The following RAD54B variants were observed in gnomAD, a reference collection of about 807,000 sequenced individuals.
The protein encoded by RAD54B is RAD54 homolog B.
RAD54B carries 78 observed loss-of-function variants against 95.8 expected under a neutral mutation model. The ratio of observed to expected loss-of-function variants is 0.81; its 90% CI spans 0.68 to 0.98. RAD54B has a LOEUF of 0.98. Among genes scored for constraint, RAD54B ranks in the 50% least tolerant of loss-of-function variants. The pLI is 0.00. For missense variants in RAD54B, 957 were observed against 1,056.6 expected (o/e 0.91, Z 1.31); for synonymous variants, 328 against 354.9 (o/e 0.92, Z 0.85).
intron 2 of RAD54B, among the ~76,000 whole-genome samples, chr8:94,459,775 G>A (rs1254560883): frequency 1.3e-5 from 2 of 151,762 alleles, no homozygotes; most frequent in South Asian, 2.1e-4. Flanking sequence ...CAGGAGAATC[G>A]CTTGAACTCA....
At position 94,378,606 on chromosome 8, in the gene RAD54B, T is replaced by C; in HGVS notation, c.2276A>G (p.Gln759Arg). ...TCTGTAAATATGTACAGGATATTTC[T>C]GACCATCTCTCCATACTCTAGACAT... ...QAMSRVWRDG[Q>R]KYPVHIYRLL... Residue 759 changes from glutamine (Q) to arginine (R), a missense_variant, in exon 13 of 15, where the codon CAG becomes CGG. Coordinates refer to ENST00000336148, the MANE Select transcript of RAD54B (RefSeq NM_012415.3). The C allele has an allele frequency of 6.2e-7, 1 of 1,610,404 alleles. No individual in the cohort carries two copies. The highest frequency in any genetic ancestry group is 1.1e-5 in the South Asian group (1 of 90,388).
rs184172604 is a variant in RAD54B, at chr8:94,383,995, C to T, written c.1985+2989G>A. ...CTTCAAAATATTAAAAATAGAATTACCATATGATGCAACAATTCCACTTCT... is the reference window on the plus strand; with the variant it reads ...CTTCAAAATATTAAAAATAGAATTATCATATGATGCAACAATTCCACTTCT... On this transcript the variant is annotated intron_variant, in intron 11 of 14. Transcript: ENST00000336148. 2.8e-3 allele frequency among the ~76,000 whole-genome samples: 421 copies of T among 152,190 alleles called. 1 individual carries two copies. Among genetic ancestry groups the T allele is most frequent in the Middle Eastern group, 6.8e-3 (2 of 294 alleles).
chr8:94,415,306 C>T (rs1286452381), intron 3 of RAD54B, among the ~76,000 whole-genome samples: 2 of 141,250 alleles, frequency 1.4e-5, no homozygotes, highest in Admixed American at 1.5e-4. Context: ...GGAAAACTGG[C>T]TAGCCATATG....
chr8:94,459,465 T>C (rs1035153808), intron 2 of RAD54B, among the ~76,000 whole-genome samples: 30 of 152,222 alleles, frequency 2.0e-4, no homozygotes, highest in African/African-American at 7.0e-4. Flanking sequence ...AAAGCTCTTA[T>C]ATTTTAGGGA....
chr8:94,372,450 T>G, intron 14 of RAD54B, 63 bp from the exon 15 acceptor site: 2 of 1,568,120 alleles, frequency 1.3e-6, no homozygotes, highest in Non-Finnish European at 1.7e-6. Context: ...AATACAATAC[T>G]TTTTTGTTTT....
intron 2 of RAD54B, among the ~76,000 whole-genome samples, chr8:94,461,114 AACTC>A (rs1462594390): frequency 2.0e-5 from 3 of 151,562 alleles, no homozygotes; most frequent in African/African-American, 4.9e-5. Flanking sequence ...TTTAAATAGA[AACTC>A]ACAATAATAG....
rs1022832802 is a variant in RAD54B, at chr8:94,436,840, A to G, written c.304+21428T>C. ...CAAATCAAGCTTTTCGGATAAGGTA[A>G]AATTGGAAGATCTAGCCTTTCCTAC... On this transcript the variant is annotated intron_variant, in intron 3 of 14. Coordinates refer to ENST00000336148, the MANE Select transcript of RAD54B (RefSeq NM_012415.3). 12 of 1,540,638 alleles carry G rather than the reference A, an allele frequency of 7.8e-6. No individual in the cohort carries two copies. In the Admixed American group the frequency reaches 2.2e-4, roughly 29 times the overall value.
At chr8:94,456,206 C>G (rs374615609) in intron 3 of RAD54B, among the ~76,000 whole-genome samples, 2 of 152,286 alleles carry the variant, frequency 1.3e-5, no homozygotes, top group African/African-American at 4.8e-5. Context: ...CATCTTCATT[C>G]TCACACAAAG....
In RAD54B at chr8:94,458,427, TTGCAAC is replaced by T; in HGVS notation, c.139_144del (p.Val47_Ala48del). The T allele has an allele frequency of 6.3e-7, 1 of 1,583,942 alleles. No individual in the cohort carries two copies. The highest frequency in any genetic ancestry group is 8.6e-7 in the Non-Finnish European group (1 of 1,169,040). ...TGTGACGGGAGAAAGGTGTTATTAATTGCAACACCCTAAAAGAAACAAATATATATT... is the reference window on the plus strand; with the variant it reads ...TGTGACGGGAGAAAGGTGTTATTAATACCCTAAAAGAAACAAATATATATT... On this transcript the variant is annotated inframe_deletion, in exon 3 of 15. Transcript: ENST00000336148.
intron 2 of RAD54B, among the ~76,000 whole-genome samples, chr8:94,463,459 C>T (rs1478037038): frequency 6.6e-6 from 1 of 152,002 alleles, no homozygotes; most frequent in African/African-American, 2.4e-5. Flanking sequence ...TTAAAACCTT[C>T]ATACATTGAT....
chr8:94,373,976 G>T (rs1229824908), intron 14 of RAD54B, among the ~76,000 whole-genome samples: 1 of 152,082 alleles, frequency 6.6e-6, no homozygotes, highest in Non-Finnish European at 1.5e-5. Context: ...AATCATTGAG[G>T]TTTTAAGAAA....
chr8:94,445,401 G>A (rs926328076), intron 3 of RAD54B, among the ~76,000 whole-genome samples: 4 of 152,038 alleles, frequency 2.6e-5, no homozygotes, highest in African/African-American at 4.8e-5. Flanking sequence ...CTTTCCTGAC[G>A]CTACTTGAGC....
At chr8:94,437,430 G>A (rs2130125048) in intron 3 of RAD54B, among the ~76,000 whole-genome samples, 1 of 152,236 alleles carries the variant, frequency 6.6e-6, no homozygotes, top group South Asian at 2.1e-4. Flanking sequence ...TCTGCATAAT[G>A]CTGGATCTGC....
At chr8:94,467,759 G>A (rs1028004623) in intron 1 of RAD54B, among the ~76,000 whole-genome samples, 3 of 152,170 alleles carry the variant, frequency 2.0e-5, no homozygotes, top group Admixed American at 6.5e-5. Flanking sequence ...AAAAGTACAT[G>A]AGCAATATGA....
intron 1 of RAD54B, among the ~76,000 whole-genome samples, chr8:94,470,975 A>G (rs1240087715): frequency 1.3e-5 from 2 of 152,132 alleles, no homozygotes; most frequent in Non-Finnish European, 2.9e-5. Flanking sequence ...TTTCCCTTAT[A>G]TAATGTTGGG....
At chr8:94,397,173 T>A (rs965859999) in intron 8 of RAD54B, among the ~76,000 whole-genome samples, 1 of 152,232 alleles carries the variant, frequency 6.6e-6, no homozygotes, top group Non-Finnish European at 1.5e-5. Flanking sequence ...GGAAACAAAA[T>A]CAAAATTATT....
intron 3 of RAD54B, chr8:94,429,153 A>G: frequency 1.0e-6 from 1 of 970,130 alleles, no homozygotes; most frequent in Non-Finnish European, 1.2e-6. Context: ...AAAAATATGT[A>G]AAAATAGGTT....
chr8:94,398,199 T>A (rs1186106510), intron 8 of RAD54B, among the ~76,000 whole-genome samples: 2 of 152,174 alleles, frequency 1.3e-5, no homozygotes, highest in Non-Finnish European at 2.9e-5. Context: ...AGTCCTTTTG[T>A]CTTTATCATC....
At chr8:94,458,688 GA>G in intron 2 of RAD54B, among the ~76,000 whole-genome samples, 2 of 152,224 alleles carry the variant, frequency 1.3e-5, no homozygotes, top group East Asian at 3.9e-4. Flanking sequence ...CCAACATGGT[GA>G]AACACTGTCT....
Sources: gnomAD v4.1 joint callset for allele counts (sites outside exome capture counted in the v4.1 genomes callset) on GRCh38, gnomAD v4.1.1 for gene constraint, MANE v1.5 for transcripts, NCBI Gene and HGNC (gene_info 2026-07-23, HGNC 2026-07-21) for gene names.